AMPD3: variants seen among roughly 807,000 people sequenced by gnomAD.
AMPD3 encodes the protein adenosine monophosphate deaminase 3, also known as AMP deaminase 3.
AMPD3 carries 57 observed loss-of-function variants against 82.3 expected under a neutral mutation model. That is an observed-to-expected ratio of 0.69 (90% CI 0.56 to 0.86). The LOEUF (loss-of-function observed/expected upper bound fraction) is 0.86, where lower values mean the gene tolerates loss of function less well. Among genes scored for constraint, AMPD3 ranks in the 40% least tolerant of loss-of-function variants. The pLI, the probability that AMPD3 is intolerant of heterozygous loss-of-function variation, is 0.00. For synonymous variants in AMPD3, 381 were observed against 394.7 expected, an observed-to-expected ratio of 0.97 and a Z score of 0.41; for missense variants, 870 against 1,003.8, an observed-to-expected ratio of 0.87 and a Z score of 1.80.
intron 13 of AMPD3, chr11:10,504,185 TAAGAA>T: frequency 2.0e-6 from 2 of 983,044 alleles, no homozygotes; most frequent in Non-Finnish European, 2.4e-6. Flanking sequence ...ATTGCAAACT[TAAGAA>T]AATAGTGTGT....
intron 2 of AMPD3, among the ~76,000 whole-genome samples, chr11:10,471,361 G>T (rs1848584248): frequency 6.6e-6 from 1 of 152,112 alleles, no homozygotes; most frequent in Non-Finnish European, 1.5e-5. Flanking sequence ...AACCCTAGAA[G>T]AAAACCTAGG....
intron 13 of AMPD3, 53 bp downstream of exon 13, chr11:10,502,947 C>T (rs1849620174): frequency 6.3e-7 from 1 of 1,588,696 alleles, no homozygotes; most frequent in Non-Finnish European, 8.6e-7. Context: ...CAGTCCTAGC[C>T]TGTCCTCCCA....
At position 10,506,578 on chromosome 11, in the gene AMPD3, A is replaced by G. The variant is rs2169594; in HGVS notation, c.*694A>G. On this transcript the variant is annotated 3_prime_UTR_variant, in exon 15 of 15. Coordinates refer to ENST00000396553, the MANE Select transcript of AMPD3 (RefSeq NM_001025389.2). This position sits in a 1 kb window ranked among gnomAD's most constrained non-coding sequence, Gnocchi z 4.1. ...AATCTCCTCATGAATACTTTAGGGT[A>G]GGGGAGGGAAGGGAGTGAGTGATGC... The G allele has an allele frequency of 0.98, 149,377 of 152,960 alleles. 73,046 individuals are homozygous for G. The highest frequency in any genetic ancestry group is 1 in the East Asian group (5,174 of 5,174). The allele number at this position is 152,960 out of a possible 1,614,324, so 9.5% of individuals were successfully genotyped here.
At chr11:10,493,579 A>G (rs1280211024) in intron 7 of AMPD3, 36 bp downstream of exon 7, 2 of 1,608,370 alleles carry the variant, frequency 1.2e-6, no homozygotes, top group African/African-American at 1.3e-5. Context: ...GCCAGCAGAC[A>G]GCAGCCCTGG....
chr11:10,496,468 A>G (rs1303796362), intron 9 of AMPD3: 1 of 985,236 alleles, frequency 1.0e-6, no homozygotes, highest in Non-Finnish European at 1.2e-6. Flanking sequence ...TGGTTTAGGG[A>G]AACAGAGCTG....
chr11:10,451,303 T>C (rs894581338), upstream of AMPD3, among the ~76,000 whole-genome samples: 7 of 152,182 alleles, frequency 4.6e-5, no homozygotes, highest in Non-Finnish European at 1.0e-4. Context: ...CGGCCTAGAA[T>C]GGAATCGCAA....
At chr11:10,470,777 G>C (rs1848566267) in intron 2 of AMPD3, among the ~76,000 whole-genome samples, 1 of 152,144 alleles carries the variant, frequency 6.6e-6, no homozygotes, top group Non-Finnish European at 1.5e-5. Context: ...CCTCTTCAAG[G>C]AGAATTACAA....
chr11:10,499,517 A>T (rs140924129), intron 10 of AMPD3, among the ~76,000 whole-genome samples: 1 of 152,210 alleles, frequency 6.6e-6, no homozygotes, highest in East Asian at 1.9e-4. Context: ...TGTCTGGCCA[A>T]ACCTGGTTTC....
rs10466404 is a variant in AMPD3 at position 10,469,164 on chromosome 11, G to C, written c.221+7424G>C. ...GATCAGAGCAGAACCGAAGGAGATA[G>C]AGACATGAAAAACTCTTCAAAAACT... On this transcript the variant is annotated intron_variant, in intron 2 of 14. Coordinates refer to ENST00000396553, the MANE Select transcript of AMPD3 (RefSeq NM_001025389.2). Among the ~76,000 whole-genome samples, 1,002 of 150,788 alleles carry C rather than the reference G, an allele frequency of 6.6e-3. 8 individuals are homozygous for C. The highest frequency in any genetic ancestry group is 0.023 in the African/African-American group (948 of 41,306).
At chr11:10,458,527 C>T (rs549919580) in intron 1 of AMPD3, among the ~76,000 whole-genome samples, 7 of 152,192 alleles carry the variant, frequency 4.6e-5, no homozygotes, top group South Asian at 4.2e-4. Flanking sequence ...ATTTTGACTG[C>T]GTGAATCTCT....
At chr11:10,466,522 A>C (rs2133839537) in intron 2 of AMPD3, among the ~76,000 whole-genome samples, 1 of 152,300 alleles carries the variant, frequency 6.6e-6, no homozygotes, top group Middle Eastern at 3.4e-3. Context: ...CATCTCTGAA[A>C]AAAAGGCAGC....
chr11:10,471,044 G>A (rs182405948), intron 2 of AMPD3, among the ~76,000 whole-genome samples: 14 of 152,112 alleles, frequency 9.2e-5, no homozygotes, highest in Non-Finnish European at 1.8e-4. Context: ...GAGGCATCAC[G>A]CTACCTGACT....
Position 10,473,402 on chromosome 11 carries a change from G to C in AMPD3, c.222-5124G>C, listed in dbSNP as rs77924168. ...AGGGCAGCTGGGAAGGATTGAGGAA[G>C]GGAGAAGCGAAGGTGAGTGGCAGGA... On this transcript the variant is annotated intron_variant, in intron 2 of 14. Transcript: ENST00000396553. 5.4e-3 allele frequency: 5,335 copies of C among 985,376 alleles called. 173 individuals carry two copies. The African/African-American group carries it at 0.067, about 12-fold the overall frequency. The allele number at this position is 985,376 out of a possible 1,614,324, so 61.0% of individuals were successfully genotyped here.
chr11:10,493,274 T>C (rs1186548107), intron 6 of AMPD3, 75 bp from the exon 7 acceptor site: 3 of 1,556,862 alleles, frequency 1.9e-6, no homozygotes, highest in Non-Finnish European at 2.6e-6. Flanking sequence ...CTGTGCACAT[T>C]GAGGGTTGGA....
intron 2 of AMPD3, among the ~76,000 whole-genome samples, 179 bp downstream of exon 2, chr11:10,461,919 C>G (rs1404486942): frequency 6.6e-6 from 1 of 152,096 alleles, no homozygotes; most frequent in Non-Finnish European, 1.5e-5. Flanking sequence ...CTCGGTGCCT[C>G]TGTTGCACTG....
rs1466482424 is a variant in AMPD3 at position 10,502,840 on chromosome 11, G to A, written c.1962G>A (p.Lys654=). 2 of 1,614,108 alleles carry A rather than the reference G, an allele frequency of 1.2e-6. No homozygotes were observed. Among genetic ancestry groups the A allele is most frequent in the African/African-American group, 2.7e-5 (2 of 74,936 alleles). Residue 654 remains lysine (K), a synonymous_variant, in exon 13 of 15, where the codon AAG becomes AAA. Coordinates refer to ENST00000396553, the MANE Select transcript of AMPD3 (RefSeq NM_001025389.2). ...SKNPLREFLH[K]GLHVSLSTDD... is the part of the protein sequence containing the mutation. The stretch of plus-strand genomic sequence containing the variant: ...ACCCTCTGAGGGAATTCCTACACAA[G>A]GGACTGCATGTTTCTCTTTCCACCG...
chr11:10,460,880 A>T, intron 1 of AMPD3: 1 of 985,424 alleles, frequency 1.0e-6, no homozygotes, highest in Non-Finnish European at 1.2e-6. Flanking sequence ...AGCTTCTTTG[A>T]GGGAGTGAGT....
intron 3 of AMPD3, among the ~76,000 whole-genome samples, chr11:10,480,668 C>G (rs11042833): frequency 0.057 from 8,624 of 151,316 alleles, 425 homozygotes; most frequent in South Asian, 0.23. Context: ...TTCTTTAAAC[C>G]TGTGAGAAAT....
chr11:10,494,978 A>C lies in AMPD3; in HGVS notation c.1214A>C (p.Tyr405Ser). ...PVGASELRDL[Y>S]LKTENYLGGE... is the part of the protein sequence containing the mutation. Reference sequence around the variant, plus strand: ...GGGGCCAGTGAGCTGCGTGACCTGTATTTGAAAACTGAAAACTATCTGGGA... The same window carrying C: ...GGGGCCAGTGAGCTGCGTGACCTGTCTTTGAAAACTGAAAACTATCTGGGA... The change falls in exon 8 of 15, where the codon TAT becomes TCT. Residue 405 changes from tyrosine (Y) to serine (S), a missense_variant. Coordinates refer to ENST00000396553, the MANE Select transcript of AMPD3 (RefSeq NM_001025389.2). 4 of 1,614,212 alleles carry C rather than the reference A, an allele frequency of 2.5e-6. No homozygotes were observed. Among genetic ancestry groups the C allele is most frequent in the Non-Finnish European group, 3.4e-6 (4 of 1,180,018 alleles).
Sources: allele counts gnomAD v4.1 joint callset (sites outside exome capture counted in the v4.1 genomes callset), GRCh38; gene constraint gnomAD v4.1.1; non-coding constraint Gnocchi (gnomAD v3.1); transcripts MANE v1.5; gene names NCBI Gene and HGNC (gene_info 2026-07-23, HGNC 2026-07-21).